Variants in CALD1 observed in about 807,000 individuals in gnomAD.
CALD1 encodes the protein caldesmon 1.
In CALD1, 33 loss-of-function variants were observed where a neutral mutation model predicts 99.9. The ratio of observed to expected loss-of-function variants is 0.33; its 90% CI spans 0.25 to 0.44. CALD1 has a LOEUF of 0.44. Ranked by LOEUF, CALD1 falls within the 20% of genes least tolerant of loss-of-function variation. The pLI is 1.00. For synonymous variants in CALD1, 310 were observed against 325.0 expected, an observed-to-expected ratio of 0.95 and a Z score of 0.50; for missense variants, 861 against 962.1, an observed-to-expected ratio of 0.89 and a Z score of 1.39.
At chr7:134,853,427 G>T (rs1800162186) in intron 2 of CALD1, among the ~76,000 whole-genome samples, 1 of 152,132 alleles carries the variant, frequency 6.6e-6, no homozygotes, top group African/African-American at 2.4e-5. Flanking sequence ...ATATATTAAT[G>T]TCATTCCTTT....
At chr7:134,848,962 A>G (rs369208856) in intron 2 of CALD1, among the ~76,000 whole-genome samples, 31 of 152,306 alleles carry the variant, frequency 2.0e-4, no homozygotes, top group African/African-American at 7.5e-4. Flanking sequence ...GACCTTCTCC[A>G]TCTCACGTGC....
At chr7:134,759,704 C>G (rs538961982) in intron 1 of CALD1, among the ~76,000 whole-genome samples, 2 of 152,170 alleles carry the variant, frequency 1.3e-5, no homozygotes, top group Non-Finnish European at 2.9e-5. Flanking sequence ...TAACCTTTAT[C>G]CATGAACCAT....
At chr7:134,929,646 G>GTGTGTATATA (rs1488854871) in intron 4 of CALD1, among the ~76,000 whole-genome samples, 3 of 7,894 alleles carry the variant, frequency 3.8e-4, no homozygotes, top group Non-Finnish European at 6.2e-4. Context: ...GTGTGTGTGT[G>GTGTGTATATA]TATATATATA....
chr7:134,967,926 T>C (rs1808794730), intron 14 of CALD1, among the ~76,000 whole-genome samples: 1 of 152,064 alleles, frequency 6.6e-6, no homozygotes, highest in African/African-American at 2.4e-5. Flanking sequence ...GGCAGATCAC[T>C]GGAGGTCAGG....
chr7:134,964,900 A>C (rs1371485871), intron 13 of CALD1, among the ~76,000 whole-genome samples: 1 of 152,140 alleles, frequency 6.6e-6, no homozygotes, highest in Non-Finnish European at 1.5e-5. Flanking sequence ...TCATATCATA[A>C]GACATGTCAC....
chr7:134,963,482 G>A (rs966161321), intron 13 of CALD1, among the ~76,000 whole-genome samples: 2 of 152,152 alleles, frequency 1.3e-5, no homozygotes, highest in Admixed American at 1.3e-4. Context: ...AGTGTCCACG[G>A]GTAAATGCAA....
intron 7 of CALD1, among the ~76,000 whole-genome samples, chr7:134,946,595 C>T (rs1235123299): frequency 6.6e-6 from 1 of 152,020 alleles, no homozygotes; most frequent in Non-Finnish European, 1.5e-5. Context: ...GTATGATTTC[C>T]GTGATTGGCT....
intron 6 of CALD1, among the ~76,000 whole-genome samples, chr7:134,936,971 A>G (rs1584616421): frequency 1.3e-5 from 2 of 152,248 alleles, no homozygotes; most frequent in African/African-American, 4.8e-5. Context: ...GTGACCAAAT[A>G]CCTACAAATT....
chr7:134,756,537 CTT>C (rs1270594166), intron 1 of CALD1, among the ~76,000 whole-genome samples: 3 of 151,836 alleles, frequency 2.0e-5, no homozygotes, highest in Non-Finnish European at 4.4e-5. Flanking sequence ...TAGTATATAA[CTT>C]GATGTTATAA....
intron 1 of CALD1, among the ~76,000 whole-genome samples, chr7:134,833,679 A>C (rs1799318572): frequency 6.6e-6 from 1 of 152,208 alleles, no homozygotes; most frequent in Non-Finnish European, 1.5e-5. Context: ...CTGCTATGTG[A>C]TCAGAGCTAT....
intron 13 of CALD1, chr7:134,961,639 C>A (rs1808272598): frequency 6.6e-6 from 1 of 152,172 alleles, no homozygotes; most frequent in Non-Finnish European, 1.5e-5. Context: ...TTAATCTACA[C>A]CCCGAGATTC....
At chr7:134,958,885 A>C (rs1356607178) in intron 11 of CALD1, among the ~76,000 whole-genome samples, 18 of 46,766 alleles carry the variant, frequency 3.8e-4, no homozygotes, top group Non-Finnish European at 4.9e-4. Context: ...ATATATATAT[A>C]TATATATATA....
At chr7:134,853,037 TCA>T (rs957813525) in intron 2 of CALD1, among the ~76,000 whole-genome samples, 1 of 152,222 alleles carries the variant, frequency 6.6e-6, no homozygotes, top group African/African-American at 2.4e-5. Flanking sequence ...TGTCGGAAGT[TCA>T]CAGAGCTGGA....
the CALD1 span, among the ~76,000 whole-genome samples, chr7:134,713,115 A>G: frequency 6.6e-6 from 1 of 152,332 alleles, no homozygotes; most frequent in East Asian, 1.9e-4. Context: ...ATTACTTCCT[A>G]ACTAGTCAGC....
intron 1 of CALD1, among the ~76,000 whole-genome samples, chr7:134,757,128 C>T (rs1199689767): frequency 1.3e-5 from 2 of 151,842 alleles, no homozygotes; most frequent in African/African-American, 4.8e-5. Context: ...GCCTGAGACA[C>T]TTAGTTGTTT....
intron 2 of CALD1, among the ~76,000 whole-genome samples, chr7:134,860,030 A>G (rs1285771431): frequency 6.6e-6 from 1 of 152,162 alleles, no homozygotes; most frequent in Non-Finnish European, 1.5e-5. Flanking sequence ...AAAACAGGTC[A>G]TAACCTGTTA....
intron 3 of CALD1, among the ~76,000 whole-genome samples, chr7:134,884,272 C>G (rs1337748183): frequency 6.6e-6 from 1 of 151,110 alleles, no homozygotes; most frequent in Non-Finnish European, 1.5e-5. Flanking sequence ...TTGAATCTCA[C>G]AGAGTTGTGA....
chr7:134,865,583 C>T (rs1800769443), intron 2 of CALD1, among the ~76,000 whole-genome samples: 1 of 152,114 alleles, frequency 6.6e-6, no homozygotes, highest in Non-Finnish European at 1.5e-5. Context: ...CTCAAGTAAG[C>T]AAGAGAAGGT....
In CALD1 at chr7:134,813,100, T is replaced by C. The variant is rs148998416; in HGVS notation, c.-129-30784T>C. Among the ~76,000 whole-genome samples, 989 of 152,052 alleles carry C rather than the reference T, an allele frequency of 6.5e-3. 11 individuals carry two copies. The highest frequency in any genetic ancestry group is 0.016 in the African/African-American group (666 of 41,364). Reference sequence around the variant, plus strand: ...GCTCATGTATTAATTAAGATGAGAATTGAGAATTGATCATTGGCTTTGGCA... The same window carrying C: ...GCTCATGTATTAATTAAGATGAGAACTGAGAATTGATCATTGGCTTTGGCA... On this transcript the variant is annotated intron_variant, in intron 1 of 14. Transcript: ENST00000361675.
Sources: allele counts gnomAD v4.1 joint callset (sites outside exome capture counted in the v4.1 genomes callset), GRCh38; gene constraint gnomAD v4.1.1; transcripts MANE v1.5; gene names NCBI Gene and HGNC (gene_info 2026-07-23, HGNC 2026-07-21).